The following IARS1 variants were observed in gnomAD, a reference collection of about 807,000 sequenced individuals.
The protein encoded by IARS1 is isoleucyl-tRNA synthetase 1.
A neutral mutation model predicts 168.2 loss-of-function variants in IARS1; 124 were observed. The ratio of observed to expected loss-of-function variants is 0.74; its 90% confidence interval spans 0.64 to 0.86. The LOEUF (loss-of-function observed/expected upper bound fraction) is 0.86, where lower values mean the gene tolerates loss of function less well. IARS1 is among the 40% of genes least tolerant of loss of function. IARS1 has a pLI of 0.00. For synonymous variants in IARS1, 532 were observed against 529.4 expected (o/e 1.00, Z -0.07); for missense variants, 1,452 against 1,515.8 (o/e 0.96, Z 0.70).
chr9:92,215,273 C>T (rs909855184), intron 33 of IARS1, among the ~76,000 whole-genome samples: 2 of 152,100 alleles, frequency 1.3e-5, no homozygotes, highest in African/African-American at 4.8e-5. Flanking sequence ...CCCATCTGTA[C>T]GTCACCATCA....
Position 92,249,864 on chromosome 9 carries a change from G to A in IARS1, c.2610C>T (p.Ile870=). 1 of 1,561,380 alleles carries A rather than the reference G, an allele frequency of 6.4e-7. No homozygotes were observed. Residue 870 remains isoleucine, a synonymous_variant, in exon 25 of 34, where the codon ATC becomes ATT. Transcript: ENST00000443024. The stretch of plus-strand genomic sequence containing the variant: ...GACAAATCATCTACCTTACCTCAAT[G>A]ATATACTTCTCCAAAGACTTGATAT... The part of the protein sequence containing the change: ...LKDIKSLEKY[I]IEELNVRKVT...
At chr9:92,254,645 G>A (rs187753287) in intron 20 of IARS1, among the ~76,000 whole-genome samples, 198 of 152,312 alleles carry the variant, frequency 1.3e-3, no homozygotes, top group Non-Finnish European at 2.0e-3. Flanking sequence ...CTTCCAGGAA[G>A]CTCAGGTTTT....
chr9:92,220,094 A>G lies in IARS1; in HGVS notation c.3706+2426T>C, dbSNP rs1325804701. The stretch of plus-strand genomic sequence containing the variant: ...CATGGAATACTATGCAGCCATAAAA[A>G]ATGATGAGTTCATGTCCTTTGTAGG... On this transcript the variant is annotated intron_variant, in intron 33 of 33. Coordinates refer to ENST00000443024, the MANE Select transcript of IARS1 (RefSeq NM_002161.6). Among the ~76,000 whole-genome samples, 92 of 148,848 alleles carry G rather than the reference A, an allele frequency of 6.2e-4. 3 individuals carry two copies. The East Asian group carries it at 0.015, about 25-fold the overall frequency.
chr9:92,278,351 G>T, intron 7 of IARS1, 65 bp from the exon 8 acceptor site: 1 of 1,069,510 alleles, frequency 9.4e-7, no homozygotes, highest in Non-Finnish European at 1.5e-6. Context: ...CCAAAGACAT[G>T]CATCAAGCAT....
At chr9:92,251,132 TC>T in intron 22 of IARS1, 1 of 479,852 alleles carries the variant, frequency 2.1e-6, no homozygotes, top group Non-Finnish European at 4.1e-6. Flanking sequence ...AGACTGACTG[TC>T]CCACACCTCA....
chr9:92,277,440 A>C (rs569138246), intron 9 of IARS1, among the ~76,000 whole-genome samples: 11 of 152,224 alleles, frequency 7.2e-5, no homozygotes, highest in Non-Finnish European at 1.3e-4. Flanking sequence ...AATCCCAGCC[A>C]GGTGCAGTGG....
chr9:92,250,999 T>C, intron 22 of IARS1, 165 bp from the exon 23 acceptor site: 2 of 697,142 alleles, frequency 2.9e-6, no homozygotes, highest in South Asian at 3.4e-5. Context: ...TGGCCTCATA[T>C]CCCTGAAGCA....
intron 30 of IARS1, among the ~76,000 whole-genome samples, chr9:92,232,639 T>A (rs755522624): frequency 2.0e-5 from 3 of 152,220 alleles, no homozygotes; most frequent in Admixed American, 6.5e-5. Flanking sequence ...GTGGTCAACC[T>A]GGGTAAGTTC....
In IARS1 at chr9:92,210,845, C is replaced by G; in HGVS notation, c.3751G>C (p.Val1251Leu). 1 of 1,611,742 alleles carries G rather than the reference C, an allele frequency of 6.2e-7. No individual in the cohort carries two copies. The highest frequency in any genetic ancestry group is 1.3e-5 in the African/African-American group (1 of 74,976). The change falls in exon 34 of 34, where the codon GTG (valine) becomes CTG (leucine). Residue 1251 changes from valine to leucine, a missense_variant. By Grantham distance (32) the Val-to-Leu change is conservative (BLOSUM62 1). Transcript: ENST00000443024. ...IPVKTLNMKTVYVSVLPTTAD... is the reference protein window; with the variant it reads ...IPVKTLNMKTLYVSVLPTTAD... Reference sequence around the variant, plus strand: ...GTTGTTGGTAACACAGAAACATACACAGTCTTCATATTCAAAGTCTTCACG... The same window carrying G: ...GTTGTTGGTAACACAGAAACATACAGAGTCTTCATATTCAAAGTCTTCACG...
intron 33 of IARS1, among the ~76,000 whole-genome samples, chr9:92,213,011 G>A (rs999659744): frequency 2.0e-5 from 3 of 151,996 alleles, no homozygotes; most frequent in Non-Finnish European, 4.4e-5. Flanking sequence ...GAGGGAAAAC[G>A]ACAAAGGAGA....
intron 9 of IARS1, among the ~76,000 whole-genome samples, chr9:92,276,836 A>G (rs894639640): frequency 2.0e-5 from 3 of 152,182 alleles, no homozygotes; most frequent in Non-Finnish European, 4.4e-5. Flanking sequence ...GGGAGTGGGG[A>G]CAGCAGGGTT....
At chr9:92,252,450 A>G (rs1830138810) in intron 21 of IARS1, 1 of 497,914 alleles carries the variant, frequency 2.0e-6, no homozygotes. Context: ...GTTGTGTTGC[A>G]GGCTTTTATT....
At chr9:92,254,099 C>T (rs1474387717) in intron 20 of IARS1, among the ~76,000 whole-genome samples, 1 of 152,168 alleles carries the variant, frequency 6.6e-6, no homozygotes, top group African/African-American at 2.4e-5. Flanking sequence ...GCCCATAGTG[C>T]TGCAGTTAAG....
At chr9:92,215,243 A>AAG (rs1457781172) in intron 33 of IARS1, among the ~76,000 whole-genome samples, 1 of 152,208 alleles carries the variant, frequency 6.6e-6, no homozygotes, top group African/African-American at 2.4e-5. Context: ...AACAAACAGA[A>AAG]AGGACATCCA....
chr9:92,248,710 T>C (rs1028166796), intron 25 of IARS1, among the ~76,000 whole-genome samples: 2 of 148,538 alleles, frequency 1.3e-5, no homozygotes, highest in African/African-American at 5.0e-5. Flanking sequence ...CAGGTACTAA[T>C]GTCAGAATTT....
At chr9:92,251,915 A>G in intron 21 of IARS1, 30 bp from the exon 22 acceptor site, 3 of 1,435,990 alleles carry the variant, frequency 2.1e-6, no homozygotes, top group South Asian at 1.2e-5. Context: ...CATAAACATT[A>G]AACTGTTAAA....
intron 18 of IARS1, among the ~76,000 whole-genome samples, chr9:92,259,327 C>A (rs1831191599): frequency 6.6e-6 from 1 of 152,166 alleles, no homozygotes; most frequent in African/African-American, 2.4e-5. Context: ...TCGTCAAGAG[C>A]CACTGTGTCC....
At chr9:92,264,638 A>G (rs1421553406) in intron 16 of IARS1, among the ~76,000 whole-genome samples, 1 of 152,206 alleles carries the variant, frequency 6.6e-6, no homozygotes, top group African/African-American at 2.4e-5. Context: ...GTAAGCTAAG[A>G]ACACATAACT....
chr9:92,230,396 A>C (rs746316565), intron 30 of IARS1, among the ~76,000 whole-genome samples: 2 of 152,180 alleles, frequency 1.3e-5, no homozygotes, highest in Non-Finnish European at 2.9e-5. Context: ...TACAGGCATG[A>C]GCAACTGTGC....
Sources: gnomAD v4.1 joint callset for allele counts (sites outside exome capture counted in the v4.1 genomes callset) on GRCh38, gnomAD v4.1.1 for gene constraint, MANE v1.5 for transcripts, NCBI Gene and HGNC (gene_info 2026-07-23, HGNC 2026-07-21) for gene names.